Variants in GRIN2D observed in about 807,000 individuals in gnomAD.
GRIN2D encodes glutamate ionotropic receptor NMDA type subunit 2D.
GRIN2D carries 37 observed loss-of-function variants against 103.2 expected under a neutral mutation model. The ratio of observed to expected loss-of-function variants is 0.36; its 90% CI spans 0.28 to 0.47. The LOEUF (loss-of-function observed/expected upper bound fraction) is 0.47. Among genes scored for constraint, GRIN2D ranks in the 20% least tolerant of loss-of-function variants. The probability of loss-of-function intolerance (pLI) is 1.00; values close to 1 mark genes in which losing one functional copy is unlikely to be tolerated. For synonymous variants in GRIN2D, 845 were observed against 885.6 expected, an observed-to-expected ratio of 0.95 and a Z score of 0.81; for missense variants, 1,557 against 1,910.6, an observed-to-expected ratio of 0.81 and a Z score of 3.45.
rs1335174981 is a variant in GRIN2D, at chr19:48,394,486, G to C, written c.-305-172G>C. ...GGGGGGGCTGAGGGCACAAAGCGGG[G>C]GTGCGAGTGAGCCAGGGAGAGGCGG... On this transcript the variant is annotated intron_variant, in intron 1 of 13. Coordinates refer to ENST00000263269, the MANE Select transcript of GRIN2D (RefSeq NM_000836.4). This position sits in a 1 kb window ranked among gnomAD's most constrained non-coding sequence, Gnocchi z 5.1. 2.0e-5 allele frequency among the ~76,000 whole-genome samples: 3 copies of C among 150,744 alleles called. No homozygotes were observed. Among genetic ancestry groups the C allele is most frequent in the African/African-American group, 7.3e-5 (3 of 40,952 alleles).
Position 48,414,476 on chromosome 19 carries a change from C to T in GRIN2D, c.1304C>T (p.Ala435Val). The change falls in exon 6 of 14, where the codon GCC becomes GTC. Residue 435 changes from alanine to valine, a missense_variant. Ala to Val is a moderately conservative substitution (Grantham distance 64). This residue lies in a region of GRIN2D where 197 missense variants were observed against 334.1 expected (regional missense o/e 0.59). Coordinates refer to ENST00000263269, the MANE Select transcript of GRIN2D (RefSeq NM_000836.4). The surrounding 1 kb of genome is among the most constrained non-coding windows in gnomAD (Gnocchi z 4.6). ...GACGACACGCAGCACCTCACGGTGGCCACGCTGGAGGAAAGGCCGTTTGTC... is the reference window on the plus strand; with the variant it reads ...GACGACACGCAGCACCTCACGGTGGTCACGCTGGAGGAAAGGCCGTTTGTC... Reference protein sequence around the residue: ...PVDDTQHLTVATLEERPFVIV... With the variant: ...PVDDTQHLTVVTLEERPFVIV... The T allele has an allele frequency of 6.2e-7, 1 of 1,600,362 alleles. No homozygotes were observed. The highest frequency in any genetic ancestry group is 8.5e-7 in the Non-Finnish European group (1 of 1,173,632).
chr19:48,415,075 C>G, intron 7 of GRIN2D, 43 bp downstream of exon 7: 2 of 1,525,214 alleles, frequency 1.3e-6, no homozygotes, highest in Non-Finnish European at 1.8e-6. Context: ...GGGGCGGAGT[C>G]GAGAGGCGGG....
Position 48,443,810 on chromosome 19 carries a change from G to A in GRIN2D, c.3884G>A (p.Arg1295His), listed in dbSNP as rs777410174. ...RRLTGPSRHA[R>H]RCPHAAHWGP... ...CTTACCGGGCCCTCCCGCCACGCTC[G>A]CAGGTGTCCGCACGCCGCGCACTGG... Residue 1295 changes from arginine to histidine, a missense_variant, in exon 14 of 14, where the codon CGC becomes CAC. Coordinates refer to ENST00000263269, the MANE Select transcript of GRIN2D (RefSeq NM_000836.4). The surrounding 1 kb of genome is among the most constrained non-coding windows in gnomAD (Gnocchi z 8.9). 6 of 1,478,282 alleles carry A rather than the reference G, an allele frequency of 4.1e-6. No individual in the cohort carries two copies. Among genetic ancestry groups the A allele is most frequent in the Non-Finnish European group, 5.3e-6 (6 of 1,122,760 alleles). The allele number at this position is 1,478,282 out of a possible 1,614,324, so 91.6% of individuals were successfully genotyped here.
At chr19:48,395,608 A>G (rs960442277) in intron 2 of GRIN2D, among the ~76,000 whole-genome samples, 1 of 151,668 alleles carries the variant, frequency 6.6e-6, no homozygotes, top group Non-Finnish European at 1.5e-5. Flanking sequence ...TCTCTGTTGG[A>G]TGCTGTGGGG....
Position 48,405,984 on chromosome 19 carries a change from AGT to A in GRIN2D, c.1085+633_1085+634del, listed in dbSNP as rs1369721216. 6.6e-6 allele frequency among the ~76,000 whole-genome samples: 1 copy of A among 152,288 alleles called. No homozygotes were observed. The highest frequency in any genetic ancestry group is 1.9e-4 in the East Asian group (1 of 5,186). On this transcript the variant is annotated intron_variant, in intron 4 of 13. Coordinates refer to ENST00000263269, the MANE Select transcript of GRIN2D (RefSeq NM_000836.4). This position sits in a 1 kb window ranked among gnomAD's most constrained non-coding sequence, Gnocchi z 5.1. ...ACAGCAAGCACTTTCCTTTTGAGTA[AGT>A]GAGGCAGAAAGGACACGCCTCATAC...
Position 48,427,210 on chromosome 19 carries a change from A to G in GRIN2D, c.2252+5265A>G, listed in dbSNP as rs112167518. Among the ~76,000 whole-genome samples, 521 of 151,948 alleles carry G rather than the reference A, an allele frequency of 3.4e-3. 2 individuals are homozygous for G. Among genetic ancestry groups the G allele is most frequent in the African/African-American group, 0.012 (493 of 41,480 alleles). ...CTGGCAGGCACCTGTAATCCCAGCT[A>G]CTCAGGAGGCTGAGGTAGGAGAACT... On this transcript the variant is annotated intron_variant, in intron 11 of 13. Coordinates refer to ENST00000263269, the MANE Select transcript of GRIN2D (RefSeq NM_000836.4).
chr19:48,403,225 G>A (rs898580268), intron 3 of GRIN2D, among the ~76,000 whole-genome samples: 5 of 133,304 alleles, frequency 3.8e-5, no homozygotes, highest in South Asian at 2.5e-4. Context: ...AAAAAAAAAG[G>A]CTGGAGGATA....
At chr19:48,436,505 A>C (rs1242890636) in intron 11 of GRIN2D, among the ~76,000 whole-genome samples, 1 of 152,140 alleles carries the variant, frequency 6.6e-6, no homozygotes, top group Non-Finnish European at 1.5e-5. Flanking sequence ...CTTAATTTCT[A>C]ATCTTGCAGC....
rs1040746776 is a variant in GRIN2D at position 48,394,446 on chromosome 19, G to A, written c.-305-212G>A. Among the ~76,000 whole-genome samples the A allele has an allele frequency of 1.1e-4, 16 of 145,546 alleles. No homozygotes were observed. Among genetic ancestry groups the A allele is most frequent in the African/African-American group, 2.5e-5 (1 of 39,858 alleles). On this transcript the variant is annotated intron_variant, in intron 1 of 13. Coordinates refer to ENST00000263269, the MANE Select transcript of GRIN2D (RefSeq NM_000836.4). This position sits in a 1 kb window ranked among gnomAD's most constrained non-coding sequence, Gnocchi z 5.1. ...CCCAGACAGACAGATAGACACAGAC[G>A]CTGGAAGGGGGGGTGGGGGGGCTGA...
chr19:48,409,421 G>T (rs1222347246), intron 4 of GRIN2D, among the ~76,000 whole-genome samples: 1 of 151,784 alleles, frequency 6.6e-6, no homozygotes, highest in Non-Finnish European at 1.5e-5. Context: ...GGGACCACAG[G>T]TGCCTGCCAC....
Position 48,442,913 on chromosome 19 carries a change from C to T in GRIN2D, c.2987C>T (p.Ala996Val). 1 of 1,108,642 alleles carries T rather than the reference C, an allele frequency of 9.0e-7. No homozygotes were observed. The highest frequency in any genetic ancestry group is 1.1e-6 in the Non-Finnish European group (1 of 909,278). 68.7% of individuals were successfully genotyped at this position (1,108,642 alleles called of 1,614,324 possible). A position where few individuals can be genotyped will look rare whatever the true frequency, so the allele number is the denominator to read the frequency against. Residue 996 changes from alanine (A) to valine (V), a missense_variant, in exon 14 of 14, where the codon GCC becomes GTC. Coordinates refer to ENST00000263269, the MANE Select transcript of GRIN2D (RefSeq NM_000836.4). The surrounding 1 kb of genome is among the most constrained non-coding windows in gnomAD (Gnocchi z 7.2). ...GCCGGGCGCCCGCTGTCCCCGCCGG[C>T]CGCTCAGCCCCCGCAGAAGCCGCCG... is the stretch of plus-strand genomic sequence containing the variant. ...GAAGRPLSPP[A>V]AQPPQKPPPS...
At chr19:48,426,983 G>T (rs1030591559) in intron 11 of GRIN2D, among the ~76,000 whole-genome samples, 26 of 152,020 alleles carry the variant, frequency 1.7e-4, no homozygotes, top group African/African-American at 6.0e-4. Flanking sequence ...GAACTACCCG[G>T]TCATAGGGAG....
chr19:48,427,407 T>C (rs1971099676), intron 11 of GRIN2D, among the ~76,000 whole-genome samples: 1 of 151,980 alleles, frequency 6.6e-6, no homozygotes, highest in Non-Finnish European at 1.5e-5. Flanking sequence ...GCAAGAGAGT[T>C]CTACTTGTTC....
chr19:48,408,597 T>C (rs1376374710), intron 4 of GRIN2D, among the ~76,000 whole-genome samples: 1 of 151,818 alleles, frequency 6.6e-6, no homozygotes, highest in Non-Finnish European at 1.5e-5. Context: ...GGTGGGCGGA[T>C]CACTTGAGGT....
rs1180681765 is a variant in GRIN2D, at chr19:48,398,645, C to A, written c.253C>A (p.Arg85=). ...GGTGCGCAGCCCGGGCCTAGACGTG[C>A]GGCCCGTGGCGCTGGTGCTCAACGG... is the stretch of plus-strand genomic sequence containing the variant. ...AAVRSPGLDV[R]PVALVLNGSD... Residue 85 remains arginine (R), a synonymous_variant, in exon 3 of 14, where the codon CGG becomes AGG. Coordinates refer to ENST00000263269, the MANE Select transcript of GRIN2D (RefSeq NM_000836.4). 5.6e-6 allele frequency: 8 copies of A among 1,428,908 alleles called. No homozygotes were observed. The highest frequency in any genetic ancestry group is 7.3e-6 in the Non-Finnish European group (8 of 1,091,134). The allele number at this position is 1,428,908 out of a possible 1,614,324, so 88.5% of individuals were successfully genotyped here.
intron 8 of GRIN2D, among the ~76,000 whole-genome samples, chr19:48,416,631 G>T (rs1363113524): frequency 6.6e-6 from 1 of 152,100 alleles, no homozygotes; most frequent in African/African-American, 2.4e-5. Context: ...CAGGTGGTGG[G>T]CTCCACACTG....
intron 11 of GRIN2D, among the ~76,000 whole-genome samples, chr19:48,425,374 T>G (rs1359263401): frequency 6.6e-6 from 1 of 152,204 alleles, no homozygotes; most frequent in Non-Finnish European, 1.5e-5. Context: ...CCCGAGTATT[T>G]GGGATTACAG....
chr19:48,436,162 G>A (rs765880321), intron 11 of GRIN2D, among the ~76,000 whole-genome samples: 2 of 152,150 alleles, frequency 1.3e-5, no homozygotes, highest in Non-Finnish European at 2.9e-5. Context: ...GTGGGAGACC[G>A]GAGTTTTATT....
chr19:48,423,068 G>A (rs527670874), intron 11 of GRIN2D, among the ~76,000 whole-genome samples: 32 of 152,198 alleles, frequency 2.1e-4, no homozygotes, highest in Non-Finnish European at 3.7e-4. Context: ...AAAATTAGCC[G>A]GGCGTGGTGG....
Sources: allele counts gnomAD v4.1 joint callset (sites outside exome capture counted in the v4.1 genomes callset), GRCh38; gene constraint gnomAD v4.1.1; regional missense constraint gnomAD v4.1.1; non-coding constraint Gnocchi (gnomAD v3.1); transcripts MANE v1.5; gene names NCBI Gene and HGNC (gene_info 2026-07-23, HGNC 2026-07-21).